The following MSN variants were observed in gnomAD, a reference collection of about 807,000 sequenced individuals.
The protein encoded by MSN is epididymis luminal protein 70.
In MSN, 2 loss-of-function variants were observed where a neutral mutation model predicts 48.0. The ratio of observed to expected loss-of-function variants is 0.04; its 90% CI spans 0.02 to 0.13. MSN has a LOEUF of 0.13. Among genes scored for constraint, MSN ranks in the 10% least tolerant of loss-of-function variants. The pLI is 1.00. For missense variants in MSN, 267 were observed against 470.1 expected, an observed-to-expected ratio of 0.57 and a Z score of 3.99; for synonymous variants, 146 against 166.9, an observed-to-expected ratio of 0.87 and a Z score of 0.97.
intron 1 of MSN, among the ~76,000 whole-genome samples, chrX:65,678,482 G>A (rs932930119): frequency 2.7e-5 from 3 of 111,735 alleles, no homozygotes; most frequent in Non-Finnish European, 5.6e-5. Context: ...GAGTGTGGGG[G>A]TGGGATGGGG....
At chrX:65,709,335 T>C (rs1349810292) in intron 1 of MSN, among the ~76,000 whole-genome samples, 2 of 112,374 alleles carry the variant, frequency 1.8e-5, no homozygotes, top group Non-Finnish European at 3.8e-5. Flanking sequence ...TTCTTTTGTG[T>C]TTGTTTTTCT....
At chrX:65,620,020 G>A (rs1307550629) in intron 1 of MSN, among the ~76,000 whole-genome samples, 2 of 111,728 alleles carry the variant, frequency 1.8e-5, no homozygotes, top group African/African-American at 6.5e-5. Context: ...TAGGCTGCTC[G>A]GGGATCAGGG....
intron 1 of MSN, among the ~76,000 whole-genome samples, chrX:65,598,259 G>A (rs1208441082): frequency 1.8e-5 from 2 of 110,004 alleles, no homozygotes; most frequent in Admixed American, 2.0e-4. Flanking sequence ...AAGAGGGAAA[G>A]ACTAAAGAGG....
chrX:65,622,660 G>T (rs188155608), intron 1 of MSN, among the ~76,000 whole-genome samples: 1 of 108,768 alleles, frequency 9.2e-6, no homozygotes, highest in Non-Finnish European at 1.9e-5. Context: ...GGGATTACAG[G>T]TGCACACCCC....
chrX:65,673,005 A>G (rs1039198527), intron 1 of MSN, among the ~76,000 whole-genome samples: 5 of 111,634 alleles, frequency 4.5e-5, no homozygotes, highest in African/African-American at 1.6e-4. Context: ...TGAGTTCAGA[A>G]TGGACTGTTT....
chrX:65,611,815 T>C (rs2070322795), intron 1 of MSN, among the ~76,000 whole-genome samples: 1 of 111,365 alleles, frequency 9.0e-6, no homozygotes, highest in African/African-American at 3.3e-5. Flanking sequence ...GCCTGTACCA[T>C]TTAATATTCC....
At chrX:65,728,386 TG>T (rs2147510468) in intron 3 of MSN, among the ~76,000 whole-genome samples, 1 of 111,548 alleles carries the variant, frequency 9.0e-6, no homozygotes, top group Admixed American at 9.5e-5. Context: ...CTCCGCCTCC[TG>T]GGTTCACGCC....
At chrX:65,625,400 G>A (rs1168852177) in intron 1 of MSN, 2 of 111,903 alleles carry the variant, frequency 1.8e-5, no homozygotes, top group East Asian at 5.6e-4. Context: ...TGTTATTTTA[G>A]AACAGTGTAT....
At chrX:65,723,840 C>T (rs955235840) in intron 2 of MSN, among the ~76,000 whole-genome samples, 19 of 111,007 alleles carry the variant, frequency 1.7e-4, no homozygotes, top group African/African-American at 3.3e-5. Context: ...GATTTCAGAC[C>T]ATATTTCCTT....
At chrX:65,626,912 G>C (rs756620108) in intron 1 of MSN, among the ~76,000 whole-genome samples, 8 of 111,927 alleles carry the variant, frequency 7.1e-5, no homozygotes, top group African/African-American at 2.6e-4. Flanking sequence ...GCTATTCCTG[G>C]AACCAGGGAT....
At chrX:65,670,659 G>T (rs1395228543) in intron 1 of MSN, among the ~76,000 whole-genome samples, 1 of 107,114 alleles carries the variant, frequency 9.3e-6, no homozygotes, top group East Asian at 2.9e-4. Context: ...GGAGGCGGAG[G>T]TTGCAGTGAG....
intron 1 of MSN, among the ~76,000 whole-genome samples, chrX:65,677,472 T>G (rs754295251): frequency 8.9e-6 from 1 of 112,309 alleles, no homozygotes; most frequent in Non-Finnish European, 1.9e-5. Context: ...AAGAGGCACA[T>G]GGAGTTTGCG....
chrX:65,636,392 T>C lies in MSN; in HGVS notation c.-22+47780T>C, dbSNP rs766962082. Among the ~76,000 whole-genome samples the C allele has an allele frequency of 5.4e-5, 6 of 111,483 alleles. No individual in the cohort carries two copies. The South Asian group carries it at 2.2e-3, about 42-fold the overall frequency. On this transcript the variant is annotated intron_variant, in intron 1 of 3. Transcript: ENST00000609672. ...TCCCAAACTGACATTCTTTCCTCTT[T>C]GTCTCGTCCTCTCTCACATGCCTGC...
chrX:65,688,728 G>A (rs1195296280), intron 1 of MSN, among the ~76,000 whole-genome samples: 1 of 111,873 alleles, frequency 8.9e-6, no homozygotes, highest in African/African-American at 3.3e-5. Context: ...GAGCACTTGG[G>A]GGCTGTGTGG....
intron 1 of MSN, among the ~76,000 whole-genome samples, chrX:65,651,007 C>T (rs901920181): frequency 3.6e-5 from 4 of 112,029 alleles, no homozygotes; most frequent in Non-Finnish European, 3.8e-5. Context: ...TGTGATTACA[C>T]TGTGCCCACG....
intron 1 of MSN, among the ~76,000 whole-genome samples, chrX:65,661,549 T>A (rs2070823821): frequency 8.9e-6 from 1 of 112,148 alleles, no homozygotes; most frequent in Admixed American, 9.5e-5. Flanking sequence ...CTATGCTCAT[T>A]AGGGATATTG....
At chrX:65,628,902 T>TA (rs959951835) in intron 1 of MSN, among the ~76,000 whole-genome samples, 4 of 108,750 alleles carry the variant, frequency 3.7e-5, no homozygotes, top group African/African-American at 1.3e-4. Context: ...CTGTCTCTGC[T>TA]AAAAATACAA....
chrX:65,641,763 A>G (rs1474760073), intron 1 of MSN, among the ~76,000 whole-genome samples: 1 of 105,621 alleles, frequency 9.5e-6, no homozygotes, highest in Non-Finnish European at 1.9e-5. Context: ...TTACTGAGGA[A>G]TAAATATAGC....
chrX:65,663,056 G>A (rs768961459), upstream of MSN, among the ~76,000 whole-genome samples: 26 of 111,532 alleles, frequency 2.3e-4, no homozygotes, highest in Non-Finnish European at 4.1e-4. Flanking sequence ...CCAGGAGTTC[G>A]AGACCAGCCT....
Sources: allele counts gnomAD v4.1 joint callset (sites outside exome capture counted in the v4.1 genomes callset), GRCh38; gene constraint gnomAD v4.1.1; transcripts MANE v1.5; gene names NCBI Gene and HGNC (gene_info 2026-07-23, HGNC 2026-07-21).